The following UVRAG variants were observed in gnomAD, a reference collection of about 807,000 sequenced individuals.
The protein encoded by UVRAG is UV radiation resistance-associated gene protein.
Under a neutral mutation model 78.0 loss-of-function variants are expected in UVRAG, and 19 were observed. The ratio of observed to expected loss-of-function variants is 0.24; its 90% CI spans 0.17 to 0.36. The LOEUF is 0.36. UVRAG is among the 10% of genes least tolerant of loss of function. The pLI is 1.00. For missense variants in UVRAG, 740 were observed against 853.8 expected (o/e 0.87, Z 1.66); for synonymous variants, 323 against 324.6 (o/e 1.00, Z 0.05).
At chr11:75,951,401 A>T (rs992076565) in intron 6 of UVRAG, among the ~76,000 whole-genome samples, 1 of 149,660 alleles carries the variant, frequency 6.7e-6, no homozygotes, top group African/African-American at 2.5e-5. Context: ...TGTTTTTTTG[A>T]GATGGAGTTT....
At chr11:75,829,326 C>A (rs1945603455) in intron 1 of UVRAG, among the ~76,000 whole-genome samples, 1 of 152,154 alleles carries the variant, frequency 6.6e-6, no homozygotes, top group Non-Finnish European at 1.5e-5. Flanking sequence ...TAGAAAGCTG[C>A]TTCTCATGTA....
chr11:76,018,044 A>G (rs1266978432), intron 12 of UVRAG, among the ~76,000 whole-genome samples: 1 of 152,200 alleles, frequency 6.6e-6, no homozygotes, highest in East Asian at 1.9e-4. Context: ...TAACATGCAT[A>G]TACATAATAA....
At chr11:75,902,606 T>C (rs1030188233) in intron 5 of UVRAG, among the ~76,000 whole-genome samples, 8 of 152,244 alleles carry the variant, frequency 5.3e-5, no homozygotes, top group Non-Finnish European at 8.8e-5. Context: ...TGCTTTCTCT[T>C]CCAGTTTTCC....
In UVRAG at chr11:76,127,910, T is replaced by C. The variant is rs570907396; in HGVS notation, c.1397+11895T>C. 3.3e-5 allele frequency among the ~76,000 whole-genome samples: 5 copies of C among 151,580 alleles called. No homozygotes were observed. The South Asian group carries it at 1.0e-3, about 32-fold the overall frequency. Reference sequence around the variant, plus strand: ...AGGCAGAGGTTGCAGTGAGCCAAGATTGCACCACTGCACTCAAGCCTGGGC... The same window carrying C: ...AGGCAGAGGTTGCAGTGAGCCAAGACTGCACCACTGCACTCAAGCCTGGGC... On this transcript the variant is annotated intron_variant, in intron 14 of 14. Coordinates refer to ENST00000356136, the MANE Select transcript of UVRAG (RefSeq NM_003369.4).
chr11:76,027,348 C>G (rs200556604), intron 12 of UVRAG, among the ~76,000 whole-genome samples: 2 of 152,112 alleles, frequency 1.3e-5, no homozygotes, highest in East Asian at 3.8e-4. Context: ...GTTACTTTCT[C>G]ACTGAAAATG....
chr11:75,996,604 T>G (rs1025934516), intron 8 of UVRAG, among the ~76,000 whole-genome samples: 7 of 152,052 alleles, frequency 4.6e-5, no homozygotes, highest in Non-Finnish European at 1.0e-4. Context: ...AAGGGAGCAG[T>G]TTATACAGAG....
chr11:76,090,021 C>T lies in UVRAG; in HGVS notation c.1305+24233C>T, dbSNP rs990741709. Among the ~76,000 whole-genome samples, 10 of 152,268 alleles carry T rather than the reference C, an allele frequency of 6.6e-5. No homozygotes were observed. In the East Asian group the frequency reaches 7.7e-4, roughly 12 times the overall value. Reference sequence around the variant, plus strand: ...ACCTCCGCCCTCGCTAGCCACCATTCGGTGTTCTTTCCCAAGGGCTAAATG... The same window carrying T: ...ACCTCCGCCCTCGCTAGCCACCATTTGGTGTTCTTTCCCAAGGGCTAAATG... On this transcript the variant is annotated intron_variant, in intron 13 of 14. Coordinates refer to ENST00000356136, the MANE Select transcript of UVRAG (RefSeq NM_003369.4).
chr11:76,033,068 A>T lies in UVRAG; in HGVS notation c.1226+16088A>T, dbSNP rs144361542. Among the ~76,000 whole-genome samples, 671 of 152,210 alleles carry T rather than the reference A, an allele frequency of 4.4e-3. 5 individuals carry two copies. The highest frequency in any genetic ancestry group is 0.016 in the African/African-American group (647 of 41,572). ...TATATGACTAATTTGATTTAAACAG[A>T]GTTTCTTCCACATGTAACTATCTAA... On this transcript the variant is annotated intron_variant, in intron 12 of 14. Transcript: ENST00000356136.
At chr11:75,956,363 G>A (rs1415450487) in intron 6 of UVRAG, among the ~76,000 whole-genome samples, 1 of 150,590 alleles carries the variant, frequency 6.6e-6, no homozygotes, top group East Asian at 1.9e-4. Flanking sequence ...TATTAGGCTG[G>A]TGCAAAAGTA....
intron 6 of UVRAG, among the ~76,000 whole-genome samples, chr11:75,959,080 C>T (rs1443710820): frequency 6.6e-6 from 1 of 152,174 alleles, no homozygotes; most frequent in Non-Finnish European, 1.5e-5. Flanking sequence ...TTATAGAACA[C>T]AGGCAGAGTA....
intron 13 of UVRAG, among the ~76,000 whole-genome samples, chr11:76,086,910 T>G (rs1951598012): frequency 6.6e-6 from 1 of 152,256 alleles, no homozygotes; most frequent in Non-Finnish European, 1.5e-5. Context: ...GAATTCTAGC[T>G]GTTGCTGTTT....
chr11:76,136,705 C>G (rs1952603756), intron 14 of UVRAG, among the ~76,000 whole-genome samples: 1 of 151,932 alleles, frequency 6.6e-6, no homozygotes, highest in Non-Finnish European at 1.5e-5. Flanking sequence ...CCTATGTGGC[C>G]CAGGCTGGTC....
intron 6 of UVRAG, among the ~76,000 whole-genome samples, chr11:75,941,445 G>A (rs1366299374): frequency 6.6e-6 from 1 of 152,086 alleles, no homozygotes; most frequent in Non-Finnish European, 1.5e-5. Flanking sequence ...AAATGCTTGG[G>A]ACTAGAAGTT....
intron 12 of UVRAG, among the ~76,000 whole-genome samples, chr11:76,032,372 A>G (rs1371033115): frequency 2.0e-5 from 3 of 152,204 alleles, no homozygotes; most frequent in Non-Finnish European, 4.4e-5. Flanking sequence ...AATCAGATTA[A>G]ATGATCAATT....
At chr11:75,885,754 C>CA (rs1459253554) in intron 4 of UVRAG, among the ~76,000 whole-genome samples, 1 of 152,032 alleles carries the variant, frequency 6.6e-6, no homozygotes, top group African/African-American at 2.4e-5. Flanking sequence ...CATAATTTAG[C>CA]AGTTCGGAAA....
At chr11:75,855,231 T>C (rs1445505317) in intron 2 of UVRAG, among the ~76,000 whole-genome samples, 1 of 152,260 alleles carries the variant, frequency 6.6e-6, no homozygotes, top group East Asian at 1.9e-4. Flanking sequence ...TGACTGTTTT[T>C]TGAAGTTATC....
intron 2 of UVRAG, among the ~76,000 whole-genome samples, chr11:75,852,975 A>G (rs1322846634): frequency 6.6e-6 from 1 of 152,148 alleles, no homozygotes; most frequent in Non-Finnish European, 1.5e-5. Flanking sequence ...CAGTGGCACA[A>G]TCATGGCTCA....
At chr11:75,864,010 T>A (rs955479932) in intron 3 of UVRAG, among the ~76,000 whole-genome samples, 1 of 152,134 alleles carries the variant, frequency 6.6e-6, no homozygotes, top group African/African-American at 2.4e-5. Flanking sequence ...TTTGAGATTT[T>A]GGCAAGGATT....
chr11:76,005,383 T>C (rs1949914232), intron 9 of UVRAG, among the ~76,000 whole-genome samples: 1 of 152,004 alleles, frequency 6.6e-6, no homozygotes, highest in South Asian at 2.1e-4. Context: ...ACCATAGAGA[T>C]TATCTATTCC....
Sources: gnomAD v4.1 joint callset for allele counts (sites outside exome capture counted in the v4.1 genomes callset) on GRCh38, gnomAD v4.1.1 for gene constraint, MANE v1.5 for transcripts, NCBI Gene and HGNC (gene_info 2026-07-23, HGNC 2026-07-21) for gene names.